Variants in PLB1 observed in about 807,000 individuals in gnomAD.
PLB1 encodes the protein phospholipase B1, membrane-associated.
Under a neutral mutation model 227.4 loss-of-function variants are expected in PLB1, and 242 were observed. That is an observed-to-expected ratio of 1.06 (90% CI 0.96 to 1.18). The LOEUF is 1.18. PLB1 is among the 50% of genes most tolerant of loss of function. The probability of loss-of-function intolerance (pLI) is 0.00; values close to 1 mark genes in which losing one functional copy is unlikely to be tolerated. For missense variants in PLB1, 1,858 were observed against 1,816.3 expected (o/e 1.02, Z -0.42); for synonymous variants, 757 against 682.2 (o/e 1.11, Z -1.71).
intron 33 of PLB1, among the ~76,000 whole-genome samples, chr2:28,597,763 T>G (rs1425877483): frequency 6.6e-6 from 1 of 152,166 alleles, no homozygotes; most frequent in Non-Finnish European, 1.5e-5. Context: ...CTAAGCATTC[T>G]CCCTCCTGAT....
At chr2:28,626,978 T>C (rs1411939000) in intron 51 of PLB1, among the ~76,000 whole-genome samples, 1 of 152,360 alleles carries the variant, frequency 6.6e-6, no homozygotes, top group East Asian at 1.9e-4. Context: ...TGGGGAAATA[T>C]GTCCAGACTC....
chr2:28,618,317 C>T, intron 45 of PLB1, 24 bp from the exon 46 acceptor site: 1 of 1,612,456 alleles, frequency 6.2e-7, no homozygotes, highest in East Asian at 2.2e-5. Context: ...CCCCCACAAC[C>T]ACCTCTCTGC....
At chr2:28,560,131 C>T (rs1326820607) in intron 17 of PLB1, among the ~76,000 whole-genome samples, 1 of 152,112 alleles carries the variant, frequency 6.6e-6, no homozygotes, top group Non-Finnish European at 1.5e-5. Context: ...AGCACTTAAC[C>T]ACTGAAATGT....
intron 21 of PLB1, among the ~76,000 whole-genome samples, chr2:28,577,806 C>T (rs1679229250): frequency 6.6e-6 from 1 of 152,244 alleles, no homozygotes; most frequent in Admixed American, 6.5e-5. Flanking sequence ...TGCCGCTGCA[C>T]TTCAGCCTGG....
chr2:28,503,716 G>A (rs778863901), intron 1 of PLB1, among the ~76,000 whole-genome samples: 5 of 152,110 alleles, frequency 3.3e-5, no homozygotes, highest in African/African-American at 7.2e-5. Flanking sequence ...TTCTGTATGC[G>A]CAGTCTGGAC....
At chr2:28,627,981 C>T (rs181602625) in intron 51 of PLB1, among the ~76,000 whole-genome samples, 1 of 152,334 alleles carries the variant, frequency 6.6e-6, no homozygotes, top group Non-Finnish European at 1.5e-5. Flanking sequence ...CCCTGAGATT[C>T]AGCCTGCAAG....
At chr2:28,606,654 T>A in intron 43 of PLB1, 87 bp downstream of exon 43, 2 of 1,206,320 alleles carry the variant, frequency 1.7e-6, no homozygotes, top group Non-Finnish European at 2.5e-6. Flanking sequence ...CACAGCTTCC[T>A]CAGTACCCAT....
In PLB1 at chr2:28,539,177, A is replaced by G. The variant is rs1181591084; in HGVS notation, c.697A>G (p.Ser233Gly). 9 of 1,611,856 alleles carry G rather than the reference A, an allele frequency of 5.6e-6. No homozygotes were observed. In the Middle Eastern group the frequency reaches 4.9e-4, roughly 88 times the overall value. The change falls in exon 11 of 58, where the codon AGC (serine) becomes GGC (glycine). Residue 233 changes from serine to glycine, a missense_variant and splice_region_variant. Transcript: ENST00000327757. Reference sequence around the variant, plus strand: ...TCGTCAGTATCACGGCACTTGGCTCAGGTAAAAGGGGAAGTGGAATGAGAC... The same window carrying G: ...TCGTCAGTATCACGGCACTTGGCTCGGGTAAAAGGGGAAGTGGAATGAGAC... Reference protein sequence around the residue: ...VSRQYHGTWLSPAPEPCNCSE... With the variant: ...VSRQYHGTWLGPAPEPCNCSE...
chr2:28,511,588 T>C (rs905536388), intron 1 of PLB1, among the ~76,000 whole-genome samples: 3 of 152,272 alleles, frequency 2.0e-5, no homozygotes, highest in Admixed American at 1.3e-4. Context: ...TCTCCTGTAC[T>C]CGAAGAGTTT....
At chr2:28,630,159 C>G (rs560459684) in intron 53 of PLB1, among the ~76,000 whole-genome samples, 1 of 152,150 alleles carries the variant, frequency 6.6e-6, no homozygotes, top group Admixed American at 6.5e-5. Context: ...AGCTGAGAGG[C>G]CCCCGGAACT....
At chr2:28,551,077 A>ATCTG (rs1674174484) in intron 16 of PLB1, among the ~76,000 whole-genome samples, 1 of 152,198 alleles carries the variant, frequency 6.6e-6, no homozygotes, top group Non-Finnish European at 1.5e-5. Flanking sequence ...CCTGTTCCCA[A>ATCTG]TCTGTTTTGA....
In PLB1 at chr2:28,643,113, C is replaced by A. The variant is rs1156329267; in HGVS notation, c.*52C>A. 1 of 1,464,558 alleles carries A rather than the reference C, an allele frequency of 6.8e-7. No individual in the cohort carries two copies. Among genetic ancestry groups the A allele is most frequent in the Non-Finnish European group, 9.1e-7 (1 of 1,093,012 alleles). 90.7% of individuals were successfully genotyped at this position (1,464,558 alleles called of 1,614,324 possible). On this transcript the variant is annotated 3_prime_UTR_variant, in exon 58 of 58. Transcript: ENST00000327757. ...CTCCCTATAGCCACTCTCTTCACCGCCCTCTGCCCCAGCCACTCCCGGCCA... is the reference window on the plus strand; with the variant it reads ...CTCCCTATAGCCACTCTCTTCACCGACCTCTGCCCCAGCCACTCCCGGCCA...
intron 9 of PLB1, 124 bp from the exon 10 acceptor site, chr2:28,538,195 A>G: frequency 9.1e-7 from 1 of 1,093,750 alleles, no homozygotes; most frequent in Non-Finnish European, 1.4e-6. Context: ...GTGGAATGCC[A>G]GGTCTAGATG....
chr2:28,632,210 C>T, intron 55 of PLB1, 70 bp downstream of exon 55: 2 of 1,264,062 alleles, frequency 1.6e-6, no homozygotes, highest in East Asian at 2.4e-5. Context: ...GTATTTCCTT[C>T]TCTAAGTGGG....
chr2:28,580,658 G>A (rs1397102197), intron 23 of PLB1, among the ~76,000 whole-genome samples: 1 of 151,868 alleles, frequency 6.6e-6, no homozygotes, highest in African/African-American at 2.4e-5. Flanking sequence ...AGGTTGCAGT[G>A]AGCTGAGATC....
In PLB1 at chr2:28,593,708, G is replaced by C; in HGVS notation, c.2275G>C (p.Asp759His). 6.2e-7 allele frequency: 1 copy of C among 1,614,150 alleles called. No individual in the cohort carries two copies. Among genetic ancestry groups the C allele is most frequent in the Non-Finnish European group, 8.5e-7 (1 of 1,180,030 alleles). Residue 759 changes from aspartate (D) to histidine (H), a missense_variant, in exon 33 of 58, where the codon GAC (aspartate) becomes CAC (histidine). Transcript: ENST00000327757. ...TGGCAATGGAATTGGCTCCAAACCA[G>C]ACGACCTCCCCGATGTCACCACACA... ...TAGNGIGSKP[D>H]DLPDVTTQYR...
At chr2:28,612,426 C>T (rs911137743) in intron 43 of PLB1, among the ~76,000 whole-genome samples, 1 of 152,178 alleles carries the variant, frequency 6.6e-6, no homozygotes, top group Non-Finnish European at 1.5e-5. Flanking sequence ...GTTTGGCATT[C>T]ATCACTTGTT....
chr2:28,569,914 C>T (rs774666341), intron 20 of PLB1, among the ~76,000 whole-genome samples: 5 of 143,384 alleles, frequency 3.5e-5, no homozygotes, highest in Middle Eastern at 3.6e-3. Flanking sequence ...TGCAGTGAGC[C>T]GAGATCACGC....
chr2:28,543,431 G>A (rs1198285206), intron 14 of PLB1, among the ~76,000 whole-genome samples, 163 bp downstream of exon 14: 1 of 152,196 alleles, frequency 6.6e-6, no homozygotes, highest in African/African-American at 2.4e-5. Context: ...GCCCCTCTCT[G>A]ACTGCCTGAG....
Sources: gnomAD v4.1 joint callset for allele counts (sites outside exome capture counted in the v4.1 genomes callset) on GRCh38, gnomAD v4.1.1 for gene constraint, MANE v1.5 for transcripts, NCBI Gene and HGNC (gene_info 2026-07-23, HGNC 2026-07-21) for gene names.